The following SPAG9 variants were observed in gnomAD, a reference collection of about 807,000 sequenced individuals.
SPAG9 encodes the protein C-Jun-amino-terminal kinase-interacting protein 4.
SPAG9 carries 35 observed loss-of-function variants against 166.5 expected under a neutral mutation model. The observed-to-expected ratio is 0.21, with a 90% confidence interval of 0.16 to 0.28. The LOEUF (loss-of-function observed/expected upper bound fraction) is 0.28. Ranked by LOEUF, SPAG9 falls within the 10% of genes least tolerant of loss-of-function variation. The probability of loss-of-function intolerance (pLI) is 1.00; values close to 1 mark genes in which losing one functional copy is unlikely to be tolerated. For synonymous variants in SPAG9, 534 were observed against 565.5 expected, an observed-to-expected ratio of 0.94 and a Z score of 0.79; for missense variants, 1,235 against 1,603.3, an observed-to-expected ratio of 0.77 and a Z score of 3.92.
intron 8 of SPAG9, among the ~76,000 whole-genome samples, chr17:51,018,184 C>G (rs1051048967): frequency 4.7e-5 from 7 of 148,656 alleles, no homozygotes; most frequent in Non-Finnish European, 8.9e-5. Flanking sequence ...AACCCCATCT[C>G]TACTAAAAAT....
intron 2 of SPAG9, among the ~76,000 whole-genome samples, chr17:51,078,661 A>T (rs1441036093): frequency 1.3e-5 from 2 of 151,892 alleles, no homozygotes; most frequent in Non-Finnish European, 2.9e-5. Context: ...TTTATTAGCC[A>T]AAGGGGAAAA....
intron 1 of SPAG9, among the ~76,000 whole-genome samples, chr17:51,082,192 C>G (rs2048182680): frequency 6.6e-6 from 1 of 151,726 alleles, no homozygotes; most frequent in Admixed American, 6.6e-5. Context: ...GCCTGGCCAA[C>G]ATGGTGAAAC....
intron 15 of SPAG9, 57 bp downstream of exon 15, chr17:50,998,387 A>T: frequency 1.3e-6 from 2 of 1,493,814 alleles, no homozygotes; most frequent in South Asian, 2.4e-5. Flanking sequence ...GAGGCCAAGA[A>T]TATTCTGAAC....
intron 2 of SPAG9, among the ~76,000 whole-genome samples, chr17:51,060,222 G>C (rs1254612915): frequency 1.3e-5 from 2 of 151,990 alleles, no homozygotes; most frequent in East Asian, 3.9e-4. Flanking sequence ...AGATAATTAA[G>C]GGCCGGGCGA....
intron 28 of SPAG9, among the ~76,000 whole-genome samples, chr17:50,971,570 C>G (rs747168248): frequency 1.5e-3 from 223 of 145,450 alleles, no homozygotes; most frequent in Non-Finnish European, 2.7e-3. Context: ...CGGGTTCAAG[C>G]GATTTACCTG....
At chr17:51,069,277 GC>G (rs1568058661) in intron 2 of SPAG9, among the ~76,000 whole-genome samples, 1 of 151,866 alleles carries the variant, frequency 6.6e-6, no homozygotes. Context: ...AGAAGGAATT[GC>G]CTATTGACAT....
At chr17:51,093,555 C>T (rs957373311) in intron 1 of SPAG9, among the ~76,000 whole-genome samples, 15 of 151,696 alleles carry the variant, frequency 9.9e-5, no homozygotes, top group East Asian at 1.9e-4. Context: ...ATCAGCCAGG[C>T]GTGGTGGCGG....
chr17:51,027,107 T>C (rs1477693420), intron 6 of SPAG9, among the ~76,000 whole-genome samples: 2 of 152,156 alleles, frequency 1.3e-5, no homozygotes, highest in African/African-American at 4.8e-5. Flanking sequence ...ACAATATTCT[T>C]GCATTATACC....
intron 3 of SPAG9, among the ~76,000 whole-genome samples, chr17:51,054,736 A>T (rs2047313479): frequency 6.6e-6 from 1 of 151,904 alleles, no homozygotes. Flanking sequence ...GCACCTGGCC[A>T]AATGTGGGTA....
At chr17:51,064,427 T>A (rs1318570810) in intron 2 of SPAG9, among the ~76,000 whole-genome samples, 3 of 152,214 alleles carry the variant, frequency 2.0e-5, no homozygotes, top group Non-Finnish European at 4.4e-5. Context: ...GATAGCAAAG[T>A]TAGAGTTTTG....
chr17:51,053,900 A>G, intron 3 of SPAG9, among the ~76,000 whole-genome samples: 1 of 86,932 alleles, frequency 1.2e-5, no homozygotes, highest in East Asian at 4.3e-4. Context: ...TATATATATA[A>G]AACATATATG....
intron 21 of SPAG9, 30 bp downstream of exon 21, chr17:50,989,647 G>C (rs1975370884): frequency 1.3e-6 from 2 of 1,583,612 alleles, no homozygotes; most frequent in Admixed American, 3.4e-5. Context: ...ACTTCACCCA[G>C]TTGCCTAAGT....
chr17:50,995,007 T>G, intron 18 of SPAG9, 50 bp downstream of exon 18: 2 of 1,454,602 alleles, frequency 1.4e-6, no homozygotes, highest in Non-Finnish European at 1.9e-6. Flanking sequence ...GATGAAAGAG[T>G]TAAACTCATA....
intron 2 of SPAG9, among the ~76,000 whole-genome samples, chr17:51,078,123 A>G (rs927875752): frequency 6.6e-6 from 1 of 152,186 alleles, no homozygotes; most frequent in Non-Finnish European, 1.5e-5. Flanking sequence ...TAGAAATCAT[A>G]GAAGTCACTC....
chr17:51,113,070 G>A (rs889557277), intron 1 of SPAG9, among the ~76,000 whole-genome samples: 2 of 151,352 alleles, frequency 1.3e-5, no homozygotes, highest in African/African-American at 2.4e-5. Flanking sequence ...AATGTTGGCC[G>A]CTGCCGGGCG....
At chr17:51,054,483 C>T (rs1244484125) in intron 3 of SPAG9, among the ~76,000 whole-genome samples, 2 of 151,018 alleles carry the variant, frequency 1.3e-5, no homozygotes, top group East Asian at 3.9e-4. Flanking sequence ...CTTGCCCAGG[C>T]TGGAGTGCAG....
At chr17:50,980,983 C>G (rs1974559716) in intron 25 of SPAG9, among the ~76,000 whole-genome samples, 1 of 152,140 alleles carries the variant, frequency 6.6e-6, no homozygotes, top group Non-Finnish European at 1.5e-5. Context: ...TCCTGGGTGA[C>G]AGAGTGAGAC....
chr17:50,995,018 G>A, intron 18 of SPAG9, 39 bp downstream of exon 18: 6 of 1,517,638 alleles, frequency 4.0e-6, no homozygotes, highest in Non-Finnish European at 5.4e-6. Context: ...TAAACTCATA[G>A]TCTCATAAAC....
rs1201835480 is a variant in SPAG9, at chr17:50,993,910, T to C, written c.2252A>G (p.Gln751Arg). 3 of 1,614,174 alleles carry C rather than the reference T, an allele frequency of 1.9e-6. No homozygotes were observed. The Admixed American group carries it at 5.0e-5, about 27-fold the overall frequency. The change falls in exon 19 of 30, where the codon CAA becomes CGA. Residue 751 changes from glutamine to arginine, a missense_variant. Physicochemically the swap from Gln to Arg is conservative, Grantham distance 43 (BLOSUM62 1). Transcript: ENST00000262013. ...LKEQQKELKN[Q>R]EELSSLVWIC... is the part of the protein sequence containing the mutation. ...CCAAACTAGACTGGATAATTCTTCT[T>C]GATTTTTTAACTCCTTCTGCTGTTC...
Sources: allele counts gnomAD v4.1 joint callset (sites outside exome capture counted in the v4.1 genomes callset), GRCh38; gene constraint gnomAD v4.1.1; transcripts MANE v1.5; gene names NCBI Gene and HGNC (gene_info 2026-07-23, HGNC 2026-07-21).